Variants in GABBR2 observed in about 807,000 individuals in gnomAD.
The protein encoded by GABBR2 is gamma-aminobutyric acid type B receptor subunit 2.
GABBR2 carries 23 observed loss-of-function variants against 105.6 expected under a neutral mutation model. The observed-to-expected ratio is 0.22, with a 90% CI of 0.16 to 0.31. The LOEUF (loss-of-function observed/expected upper bound fraction) is 0.31. Ranked by LOEUF, GABBR2 falls within the 10% of genes least tolerant of loss-of-function variation. GABBR2 has a pLI of 1.00. For missense variants in GABBR2, 734 were observed against 1,245.5 expected (o/e 0.59, Z 6.18); for synonymous variants, 478 against 499.7 (o/e 0.96, Z 0.58).
At chr9:98,544,525 C>T (rs934606581) in intron 2 of GABBR2, among the ~76,000 whole-genome samples, 2 of 152,040 alleles carry the variant, frequency 1.3e-5, no homozygotes, top group African/African-American at 2.4e-5. Context: ...TCTTGGTAGA[C>T]GAGGACTAAT....
chr9:98,295,976 G>C (rs62574302), intron 17 of GABBR2, among the ~76,000 whole-genome samples: 2,888 of 152,338 alleles, frequency 0.019, 41 homozygotes, highest in Middle Eastern at 0.044. Context: ...ATCCACTGTT[G>C]ATGGAGGCTT....
Position 98,698,664 on chromosome 9 carries a change from T to C in GABBR2, c.321+9753A>G, listed in dbSNP as rs531341252. 2.3e-3 allele frequency among the ~76,000 whole-genome samples: 352 copies of C among 152,228 alleles called. 1 individual carries two copies. The highest frequency in any genetic ancestry group is 8.2e-3 in the African/African-American group (341 of 41,534). Reference sequence around the variant, plus strand: ...ACAGGTGCGTGCCACCACACCCAGCTAATTTTTGTATTTTTAGTAGAGACG... The same window carrying C: ...ACAGGTGCGTGCCACCACACCCAGCCAATTTTTGTATTTTTAGTAGAGACG... On this transcript the variant is annotated intron_variant, in intron 1 of 18. Coordinates refer to ENST00000259455, the MANE Select transcript of GABBR2 (RefSeq NM_005458.8).
At chr9:98,684,007 C>CAAAAAAAAAAAA (rs367642589) in intron 1 of GABBR2, among the ~76,000 whole-genome samples, 2 of 105,924 alleles carry the variant, frequency 1.9e-5, no homozygotes, top group East Asian at 2.7e-4. Flanking sequence ...GACTCCATCT[C>CAAAAAAAAAAAA]AAAAAAAAAA....
At chr9:98,586,284 C>CTTTTTTTTTTTTTT (rs569530376) in intron 1 of GABBR2, among the ~76,000 whole-genome samples, 38 of 131,062 alleles carry the variant, frequency 2.9e-4, no homozygotes, top group Non-Finnish European at 2.9e-4. Flanking sequence ...TCTTTTCTTT[C>CTTTTTTTTTTTTTT]TTTTTTTTTT....
intron 5 of GABBR2, among the ~76,000 whole-genome samples, chr9:98,478,363 T>G (rs1260553183): frequency 6.6e-6 from 1 of 152,104 alleles, no homozygotes; most frequent in Non-Finnish European, 1.5e-5. Flanking sequence ...ACAGTCTCCT[T>G]AGGACCTTCT....
intron 1 of GABBR2, among the ~76,000 whole-genome samples, chr9:98,606,498 TG>T (rs1319550203): frequency 1.5e-5 from 2 of 131,842 alleles, no homozygotes; most frequent in Non-Finnish European, 1.7e-5. Flanking sequence ...TTTTTTTTTT[TG>T]AGATGGAGTC....
intron 13 of GABBR2, among the ~76,000 whole-genome samples, chr9:98,318,607 C>T (rs547640564): frequency 3.6e-4 from 55 of 152,250 alleles, no homozygotes; most frequent in African/African-American, 1.2e-3. Flanking sequence ...CCTCTGATCA[C>T]GGGGCTCTTG....
At position 98,306,036 on chromosome 9, in the gene GABBR2, C is replaced by A; in HGVS notation, c.2229+85G>T. 1 of 868,640 alleles carries A rather than the reference C, an allele frequency of 1.2e-6. No individual in the cohort carries two copies. Among genetic ancestry groups the A allele is most frequent in the East Asian group, 2.6e-5 (1 of 37,968 alleles). 53.8% of individuals were successfully genotyped at this position (868,640 alleles called of 1,614,324 possible). On this transcript the variant is annotated intron_variant, in intron 15 of 18. Transcript: ENST00000259455. The surrounding 1 kb of genome is among the most constrained non-coding windows in gnomAD (Gnocchi z 5.4). ...ATAAAAAAAAAAAGGAATGGGTAAA[C>A]CTTTTAGAGAATGGAGAAAAGCCAG...
chr9:98,455,052 C>G (rs1004720115), intron 6 of GABBR2, among the ~76,000 whole-genome samples: 7 of 152,214 alleles, frequency 4.6e-5, no homozygotes, highest in Non-Finnish European at 2.9e-5. Flanking sequence ...GCATGTGACC[C>G]AGGGCAAGGC....
intron 1 of GABBR2, among the ~76,000 whole-genome samples, chr9:98,648,116 T>TGTATAGATAG: frequency 4.8e-3 from 266 of 55,944 alleles, no homozygotes; most frequent in East Asian, 0.015. Context: ...TGTGTGTGTG[T>TGTATAGATAG]ATAGATAGAT....
At chr9:98,497,090 A>G (rs1827295315) in intron 3 of GABBR2, among the ~76,000 whole-genome samples, 1 of 152,204 alleles carries the variant, frequency 6.6e-6, no homozygotes, top group Admixed American at 6.5e-5. Flanking sequence ...TGTGTGAACT[A>G]GCCTGTGTGG....
chr9:98,463,651 C>T (rs1344859628), intron 6 of GABBR2, among the ~76,000 whole-genome samples: 1 of 149,204 alleles, frequency 6.7e-6, no homozygotes, highest in African/African-American at 2.6e-5. Flanking sequence ...CTCCGTCTCC[C>T]TCTTTCTACA....
chr9:98,640,458 C>T (rs1829944712), intron 1 of GABBR2, among the ~76,000 whole-genome samples: 1 of 152,130 alleles, frequency 6.6e-6, no homozygotes, highest in African/African-American at 2.4e-5. Flanking sequence ...TGCAAATACC[C>T]CTTCCTCCAT....
intron 1 of GABBR2, among the ~76,000 whole-genome samples, chr9:98,659,212 T>C (rs1292462808): frequency 6.6e-6 from 1 of 152,230 alleles, no homozygotes; most frequent in Non-Finnish European, 1.5e-5. Context: ...TTTGCATATA[T>C]TTCTCTGTAC....
At chr9:98,562,942 C>T (rs897627891) in intron 2 of GABBR2, among the ~76,000 whole-genome samples, 9 of 151,174 alleles carry the variant, frequency 6.0e-5, no homozygotes, top group African/African-American at 2.2e-4. Flanking sequence ...TGGTGGTGTG[C>T]GCCTGTAATC....
chr9:98,598,264 G>C (rs1276634979), intron 1 of GABBR2, among the ~76,000 whole-genome samples: 1 of 152,180 alleles, frequency 6.6e-6, no homozygotes, highest in South Asian at 2.1e-4. Context: ...GCAGGCTTTT[G>C]AAAAGGAAGG....
chr9:98,467,530 A>T (rs1826585264), intron 6 of GABBR2, among the ~76,000 whole-genome samples: 1 of 152,122 alleles, frequency 6.6e-6, no homozygotes, highest in Admixed American at 6.5e-5. Context: ...TTTCCGCAGC[A>T]CCTTTCCTTC....
At chr9:98,552,409 G>C (rs898743172) in intron 2 of GABBR2, among the ~76,000 whole-genome samples, 3 of 152,176 alleles carry the variant, frequency 2.0e-5, no homozygotes, top group African/African-American at 7.2e-5. Context: ...TGAATGGAAC[G>C]CAACTTTCTC....
At chr9:98,441,087 T>C (rs1406627195) in intron 7 of GABBR2, among the ~76,000 whole-genome samples, 5 of 152,220 alleles carry the variant, frequency 3.3e-5, no homozygotes, top group African/African-American at 4.8e-5. Flanking sequence ...GCTATTTATA[T>C]TTTCAACATG....
Sources: allele counts gnomAD v4.1 joint callset (sites outside exome capture counted in the v4.1 genomes callset), GRCh38; gene constraint gnomAD v4.1.1; non-coding constraint Gnocchi (gnomAD v3.1); transcripts MANE v1.5; gene names NCBI Gene and HGNC (gene_info 2026-07-23, HGNC 2026-07-21).